The following UBQLN4 variants were observed in gnomAD, a reference collection of about 807,000 sequenced individuals.
UBQLN4 encodes ubiquilin 4.
A neutral mutation model predicts 60.4 loss-of-function variants in UBQLN4; 11 were observed. The observed-to-expected ratio is 0.18, with a 90% CI of 0.11 to 0.30. UBQLN4 has a LOEUF of 0.30. Ranked by LOEUF, UBQLN4 falls within the 10% of genes least tolerant of loss-of-function variation. The pLI, the probability that UBQLN4 is intolerant of heterozygous loss-of-function variation, is 1.00. For synonymous variants in UBQLN4, 258 were observed against 313.1 expected, an observed-to-expected ratio of 0.82 and a Z score of 1.86; for missense variants, 417 against 795.5, an observed-to-expected ratio of 0.52 and a Z score of 5.72.
rs1162217684 is a variant in UBQLN4, at chr1:156,050,939, C to T, written c.478+171G>A. 2.0e-5 allele frequency among the ~76,000 whole-genome samples: 3 copies of T among 152,264 alleles called. No homozygotes were observed. Among genetic ancestry groups the T allele is most frequent in the South Asian group, 4.1e-4 (2 of 4,822 alleles). ...CCATGGTCCCCACCTCTGAGAACTC[C>T]TCAGACTAGTTTCTTCCCCAGCTTG... On this transcript the variant is annotated intron_variant, in intron 3 of 10. Transcript: ENST00000368309. This position sits in a 1 kb window ranked among gnomAD's most constrained non-coding sequence, Gnocchi z 4.6.
In UBQLN4 at chr1:156,036,501, G is replaced by C. The variant is rs1370837392; in HGVS notation, c.*477C>G. The C allele has an allele frequency of 9.1e-6, 9 of 986,252 alleles. No individual in the cohort carries two copies. Among genetic ancestry groups the C allele is most frequent in the Non-Finnish European group, 1.1e-5 (9 of 830,496 alleles). The allele number at this position is 986,252 out of a possible 1,614,324, so 61.1% of individuals were successfully genotyped here. A position where few individuals can be genotyped will look rare whatever the true frequency, so the allele number is the denominator to read the frequency against. ...ACCTGTTTCACCTGCTCCTCCTTCAGAGCAAGAAATTCTAGCATTGGTTGG... is the reference window on the plus strand; with the variant it reads ...ACCTGTTTCACCTGCTCCTCCTTCACAGCAAGAAATTCTAGCATTGGTTGG... On this transcript the variant is annotated 3_prime_UTR_variant, in exon 11 of 11. Coordinates refer to ENST00000368309, the MANE Select transcript of UBQLN4 (RefSeq NM_020131.5).
chr1:156,034,838 TATATATATATA>T (rs1683358379), downstream of UBQLN4, among the ~76,000 whole-genome samples: 1 of 41,614 alleles, frequency 2.4e-5, no homozygotes, highest in African/African-American at 7.9e-5. Context: ...TATATATATA[TATATATATATA>T]TATATATATA....
intron 9 of UBQLN4, 22 bp from the exon 10 acceptor site, chr1:156,041,693 A>G: frequency 6.7e-7 from 1 of 1,496,220 alleles, no homozygotes; most frequent in Non-Finnish European, 8.9e-7. Context: ...AGAGACCAAG[A>G]GGTAGGAGAT....
downstream of UBQLN4, among the ~76,000 whole-genome samples, chr1:156,032,020 T>TGTTCAAATATGAACAAGCAGGA (rs372518591): frequency 6.6e-6 from 1 of 152,010 alleles, no homozygotes; most frequent in Non-Finnish European, 1.5e-5. Flanking sequence ...CAAGCAGGAT[T>TGTTCAAATATGAACAAGCAGGA]TCTAGAGCAG....
At chr1:156,043,334 G>A (rs184756503) in intron 6 of UBQLN4, among the ~76,000 whole-genome samples, 222 of 152,302 alleles carry the variant, frequency 1.5e-3, no homozygotes, top group African/African-American at 4.9e-3. Flanking sequence ...GCTGGGGCAG[G>A]AGGGCTGCAG....
chr1:156,034,825 C>CTATATATA (rs34720108), downstream of UBQLN4, among the ~76,000 whole-genome samples: 518 of 46,250 alleles, frequency 0.011, 23 homozygotes, highest in Non-Finnish European at 0.014. Context: ...CCTTAACCTT[C>CTATATATA]TATATATATA....
chr1:156,038,237 T>C (rs1194585008), intron 10 of UBQLN4, among the ~76,000 whole-genome samples: 1 of 148,792 alleles, frequency 6.7e-6, no homozygotes, highest in African/African-American at 2.5e-5. Flanking sequence ...ATTACCCAGG[T>C]GTGGTGGCGC....
chr1:156,033,571 G>A (rs1468045562), downstream of UBQLN4, among the ~76,000 whole-genome samples: 2 of 151,984 alleles, frequency 1.3e-5, no homozygotes, highest in East Asian at 1.9e-4. Context: ...GGCTGGGCGC[G>A]ACGGCTCACG....
rs753589235 is a variant in UBQLN4, at chr1:156,048,509, G to A, written c.892C>T (p.Arg298Trp). The part of the protein sequence containing the change: ...DIQEPMFSAA[R>W]EQFGNNPFSS... ...CTGGCCCTTGATCCCACCTGTTCCC[G>A]GGCAGCACTGAACATGGGCTCCTGG... Residue 298 changes from arginine (R) to tryptophan (W), a missense_variant, in exon 5 of 11, where the codon CGG (arginine) becomes TGG (tryptophan). Arg to Trp is a moderately radical substitution (Grantham distance 101, BLOSUM62 -3). Transcript: ENST00000368309. The surrounding 1 kb of genome is among the most constrained non-coding windows in gnomAD (Gnocchi z 4.9). 8.1e-6 allele frequency: 13 copies of A among 1,609,838 alleles called. No homozygotes were observed. Among genetic ancestry groups the A allele is most frequent in the South Asian group, 2.2e-5 (2 of 90,966 alleles).
chr1:156,047,242 A>ATT (rs35659997), intron 5 of UBQLN4, among the ~76,000 whole-genome samples: 27 of 133,746 alleles, frequency 2.0e-4, no homozygotes, highest in East Asian at 6.3e-4. Context: ...TAACTTGTGA[A>ATT]TTTTTTTTTT....
chr1:156,036,951 G>A lies in UBQLN4; in HGVS notation c.*27C>T. 6.2e-7 allele frequency: 1 copy of A among 1,608,236 alleles called. No homozygotes were observed. The highest frequency in any genetic ancestry group is 8.5e-7 in the Non-Finnish European group (1 of 1,177,212). On this transcript the variant is annotated 3_prime_UTR_variant, in exon 11 of 11. Coordinates refer to ENST00000368309, the MANE Select transcript of UBQLN4 (RefSeq NM_020131.5). ...ACCGAATGCTGACATCGAGGGAGGG[G>A]AGAGGCAGGAGGCATGGGCCGAGGG...
chr1:156,034,963 G>A (rs1683366853), downstream of UBQLN4, among the ~76,000 whole-genome samples: 1 of 146,168 alleles, frequency 6.8e-6, no homozygotes. Flanking sequence ...TGACTTCTTG[G>A]GCTCAAGTGG....
At chr1:156,051,014 C>G in intron 3 of UBQLN4, 96 bp downstream of exon 3, 2 of 1,247,410 alleles carry the variant, frequency 1.6e-6, no homozygotes, top group East Asian at 5.0e-5. Context: ...CTATCCCCAT[C>G]AGACCAGGAG....
At position 156,035,439 on chromosome 1, in the gene UBQLN4, G is replaced by A. The variant is rs1316338618; in HGVS notation, c.*1539C>T. ...TGGAGCAAACTCTGTTCCTCTTGCC[G>A]TCATATTCTCAGCCATGGGGTCGGT... is the stretch of plus-strand genomic sequence containing the variant. On this transcript the variant is annotated 3_prime_UTR_variant, in exon 11 of 11. Transcript: ENST00000368309. The A allele has an allele frequency of 6.3e-5, 62 of 984,734 alleles. No homozygotes were observed. The highest frequency in any genetic ancestry group is 1.1e-4 in the East Asian group (1 of 8,890). 61.0% of individuals were successfully genotyped at this position (984,734 alleles called of 1,614,324 possible).
intron 5 of UBQLN4, among the ~76,000 whole-genome samples, chr1:156,047,722 C>T (rs920544633): frequency 2.0e-5 from 3 of 150,078 alleles, no homozygotes; most frequent in Non-Finnish European, 3.0e-5. Flanking sequence ...GGTGAAACCC[C>T]ATCTCTACTA....
At chr1:156,039,922 G>A (rs1356291940) in intron 10 of UBQLN4, among the ~76,000 whole-genome samples, 3 of 111,402 alleles carry the variant, frequency 2.7e-5, no homozygotes, top group African/African-American at 3.5e-5. Context: ...GGGCGACAGA[G>A]CGAGACTCCG....
downstream of UBQLN4, among the ~76,000 whole-genome samples, chr1:156,031,301 T>C (rs1683293404): frequency 1.3e-5 from 2 of 152,208 alleles, no homozygotes; most frequent in Non-Finnish European, 2.9e-5. Context: ...TTTGTAAGAA[T>C]TTACATCTCA....
chr1:156,049,244 C>G (rs1683797756), intron 4 of UBQLN4, among the ~76,000 whole-genome samples: 1 of 152,178 alleles, frequency 6.6e-6, no homozygotes, highest in South Asian at 2.1e-4. Flanking sequence ...CTGTCCAAGA[C>G]CATACTGTGA....
At chr1:156,046,815 C>T (rs1466772625) in intron 5 of UBQLN4, among the ~76,000 whole-genome samples, 1 of 152,154 alleles carries the variant, frequency 6.6e-6, no homozygotes, top group African/African-American at 2.4e-5. Context: ...GCACTCCAGC[C>T]TGGGCGAAAC....
Sources: gnomAD v4.1 joint callset for allele counts (sites outside exome capture counted in the v4.1 genomes callset) on GRCh38, gnomAD v4.1.1 for gene constraint, Gnocchi (gnomAD v3.1) non-coding constraint, MANE v1.5 for transcripts, NCBI Gene and HGNC (gene_info 2026-07-23, HGNC 2026-07-21) for gene names.